ATG2B: variants seen among roughly 807,000 people sequenced by gnomAD.
The protein encoded by ATG2B is autophagy-related protein 2 homolog B.
Under a neutral mutation model 241.3 loss-of-function variants are expected in ATG2B, and 121 were observed. That is an observed-to-expected ratio of 0.50 (90% confidence interval 0.43 to 0.58). The LOEUF is 0.58. ATG2B is among the 20% of genes least tolerant of loss of function. The pLI is 0.00. For synonymous variants in ATG2B, 858 were observed against 876.6 expected (o/e 0.98, Z 0.37); for missense variants, 2,306 against 2,491.6 (o/e 0.93, Z 1.59).
intron 17 of ATG2B, 85 bp downstream of exon 17, chr14:96,322,454 AT>A: frequency 2.1e-6 from 3 of 1,418,990 alleles, no homozygotes; most frequent in South Asian, 1.5e-5. Flanking sequence ...TACACAAGGC[AT>A]TTTTTTAAAA....
In ATG2B at chr14:96,362,872, G is replaced by C. The variant is rs758669863; in HGVS notation, c.105C>G (p.Leu35=). 8.1e-6 allele frequency: 13 copies of C among 1,613,302 alleles called. No individual in the cohort carries two copies. Among genetic ancestry groups the C allele is most frequent in the Middle Eastern group, 3.3e-4 (2 of 6,052 alleles). ...CGGTGCCTTGGTACAGGTCCAGGCT[G>C]AGCTGCTCCAGGCTCAGCTTCTCCT... The part of the protein sequence containing the change: ...FLQEKLSLEQ[L]SLDLYQGTGS... Residue 35 remains leucine (L), a synonymous_variant, in exon 1 of 42, where the codon CTC becomes CTG. Coordinates refer to ENST00000359933, the MANE Select transcript of ATG2B (RefSeq NM_018036.7).
Position 96,347,274 on chromosome 14 carries a change from A to G in ATG2B, c.230T>C (p.Ile77Thr), listed in dbSNP as rs770775261. 1 of 1,611,830 alleles carries G rather than the reference A, an allele frequency of 6.2e-7. No homozygotes were observed. Among genetic ancestry groups the G allele is most frequent in the East Asian group, 2.2e-5 (1 of 44,862 alleles). ...LEVTEGFIQS[I>T]SLSVPWGSLL... Reference sequence around the variant, plus strand: ...AGAGCCCCATGGAACTGACAGGGAAATTGACTGAATGAATCCTTCAGTGAC... The same window carrying G: ...AGAGCCCCATGGAACTGACAGGGAAGTTGACTGAATGAATCCTTCAGTGAC... Residue 77 changes from isoleucine to threonine, a missense_variant, in exon 2 of 42, where the codon ATT becomes ACT. Around this residue, in one of 2 missense-constraint regions of ATG2B, gnomAD observed 1,927 missense variants for 2,011.2 expected, o/e 0.96. Coordinates refer to ENST00000359933, the MANE Select transcript of ATG2B (RefSeq NM_018036.7).
rs1888206302 is a variant in ATG2B at position 96,347,685 on chromosome 14, C to A, written c.163-344G>T. On this transcript the variant is annotated intron_variant, in intron 1 of 41. Coordinates refer to ENST00000359933, the MANE Select transcript of ATG2B (RefSeq NM_018036.7). ...GAAATGGGCAAATGATTTGAATAGA[C>A]ATTCCTCAAAAGAAGACATAAAATG... Among the ~76,000 whole-genome samples, 2 of 152,292 alleles carry A rather than the reference C, an allele frequency of 1.3e-5. 1 individual carries two copies. The highest frequency in any genetic ancestry group is 4.1e-4 in the South Asian group (2 of 4,828).
At chr14:96,322,396 A>G in intron 17 of ATG2B, 142 bp from the exon 18 acceptor site, 1 of 1,284,794 alleles carries the variant, frequency 7.8e-7, no homozygotes, top group South Asian at 1.5e-5. Context: ...TACACCAAGA[A>G]AAAATAGGTA....
Position 96,341,404 on chromosome 14 carries a change from C to G in ATG2B, c.924+118G>C, listed in dbSNP as rs139574106. ...GAGAGTAAAAATGCTAACTCGGTGA[C>G]AGCAGTACACTAGTTACAGGATAAT... is the stretch of plus-strand genomic sequence containing the variant. On this transcript the variant is annotated intron_variant, in intron 6 of 41. Coordinates refer to ENST00000359933, the MANE Select transcript of ATG2B (RefSeq NM_018036.7). The G allele has an allele frequency of 1.5e-5, 11 of 735,960 alleles. No homozygotes were observed. The East Asian group carries it at 3.2e-4, about 21-fold the overall frequency. The allele number at this position is 735,960 out of a possible 1,614,324, so 45.6% of individuals were successfully genotyped here. A position where few individuals can be genotyped will look rare whatever the true frequency, so the allele number is the denominator to read the frequency against.
intron 1 of ATG2B, among the ~76,000 whole-genome samples, chr14:96,359,663 C>A (rs1888572381): frequency 6.6e-6 from 1 of 152,164 alleles, no homozygotes; most frequent in South Asian, 2.1e-4. Flanking sequence ...GCCATTTCAA[C>A]CACTTCTAGG....
At position 96,317,784 on chromosome 14, in the gene ATG2B, T is replaced by C. The variant is rs550648078; in HGVS notation, c.2951A>G (p.Tyr984Cys). The change falls in exon 19 of 42, where the codon TAT (tyrosine) becomes TGT (cysteine). Residue 984 changes from tyrosine to cysteine, a missense_variant. Physicochemically the swap from Tyr to Cys is radical, Grantham distance 194. Coordinates refer to ENST00000359933, the MANE Select transcript of ATG2B (RefSeq NM_018036.7). ...SPVETFENISYGIGLSVASQL... is the reference protein window; with the variant it reads ...SPVETFENISCGIGLSVASQL... ...ACTGGCTACTGAAAGCCCAATGCCA[T>C]AGGAAATATTCTCGAATGTCTCCAC... is the stretch of plus-strand genomic sequence containing the variant. The C allele has an allele frequency of 3.7e-6, 6 of 1,613,042 alleles. No homozygotes were observed. In the African/African-American group the frequency reaches 4.0e-5, roughly 11 times the overall value.
In ATG2B at chr14:96,305,720, C is replaced by G. The variant is rs199803616; in HGVS notation, c.4602G>C (p.Thr1534=). 6.2e-7 allele frequency: 1 copy of G among 1,614,122 alleles called. No individual in the cohort carries two copies. Among genetic ancestry groups the G allele is most frequent in the Non-Finnish European group, 8.5e-7 (1 of 1,180,012 alleles). ...TGGGAAAGTGTAAGGGGGCTTTGCT[C>G]GTATCGGTCTTATTAACGGGCAGAC... ...YFSLPVNKTD[T]SKAPLHFPIP... The change falls in exon 31 of 42, where the codon ACG becomes ACC. Residue 1534 remains threonine, a synonymous_variant. Transcript: ENST00000359933.
In ATG2B at chr14:96,325,640, C is replaced by A; in HGVS notation, c.2437+9G>T. Reference sequence around the variant, plus strand: ...AGGATGGTTCTTTTACAGGCACATTCAATCTTACCAATTAGTTCTCTAAAG... The same window carrying A: ...AGGATGGTTCTTTTACAGGCACATTAAATCTTACCAATTAGTTCTCTAAAG... On this transcript the variant is annotated intron_variant, in intron 15 of 41. Coordinates refer to ENST00000359933, the MANE Select transcript of ATG2B (RefSeq NM_018036.7). 1 of 1,606,232 alleles carries A rather than the reference C, an allele frequency of 6.2e-7. No homozygotes were observed.
intron 8 of ATG2B, 68 bp from the exon 9 acceptor site, chr14:96,332,723 T>C (rs777760205): frequency 2.3e-6 from 3 of 1,286,902 alleles, no homozygotes; most frequent in South Asian, 1.8e-5. Flanking sequence ...AGTAAGTTAA[T>C]ATACGTTAAT....
At chr14:96,335,030 G>A (rs973047625) in intron 6 of ATG2B, among the ~76,000 whole-genome samples, 10 of 152,138 alleles carry the variant, frequency 6.6e-5, no homozygotes, top group Admixed American at 1.3e-4. Context: ...GCAAGGGGAC[G>A]CCACTACAGA....
At position 96,291,634 on chromosome 14, in the gene ATG2B, C is replaced by A; in HGVS notation, c.5545G>T (p.Glu1849Ter). Residue 1849 changes from glutamate (E) to a stop codon, truncating the protein, a stop_gained, in exon 38 of 42, where the codon GAA becomes TAA. Transcript: ENST00000359933. LOFTEE classifies it high-confidence loss of function. ...LIGLAQLNCS[E>*]LKLKRLSYRH... ...TAGGAAAGCCTCTTGAGCTTTAGTT[C>A]AGAGCAGTTTAACTGAGCCAGACCA... 1 of 1,609,044 alleles carries A rather than the reference C, an allele frequency of 6.2e-7. No individual in the cohort carries two copies. The highest frequency in any genetic ancestry group is 8.5e-7 in the Non-Finnish European group (1 of 1,176,762).
At chr14:96,305,481 T>C in intron 31 of ATG2B, 108 bp downstream of exon 31, 2 of 670,610 alleles carry the variant, frequency 3.0e-6, no homozygotes, top group Non-Finnish European at 4.8e-6. Flanking sequence ...CTTAAAATGA[T>C]AAATCCTATT....
Position 96,340,102 on chromosome 14 carries a change from G to T in ATG2B, c.924+1420C>A, listed in dbSNP as rs201844798. On this transcript the variant is annotated intron_variant, in intron 6 of 41. Coordinates refer to ENST00000359933, the MANE Select transcript of ATG2B (RefSeq NM_018036.7). ...GATATATATGAATATATGCTATATA[G>T]AATATATGATATATATGAATATATA... Among the ~76,000 whole-genome samples, 116 of 60,292 alleles carry T rather than the reference G, an allele frequency of 1.9e-3. 4 individuals carry two copies. The highest frequency in any genetic ancestry group is 0.01 in the East Asian group (9 of 894). 39.6% of individuals were successfully genotyped at this position (60,292 alleles called of 152,430 possible).
chr14:96,290,045 T>A lies in ATG2B; in HGVS notation c.5857-240A>T. On this transcript the variant is annotated intron_variant, in intron 40 of 41. Transcript: ENST00000359933. The surrounding 1 kb of genome is among the most constrained non-coding windows in gnomAD (Gnocchi z 4.4). ...GCTAAATTTTTAGCCCCTCCTCTGT[T>A]CACTGAGAACACTCAACATTTCCAC... is the stretch of plus-strand genomic sequence containing the variant. 1 of 1,082,472 alleles carries A rather than the reference T, an allele frequency of 9.2e-7. No individual in the cohort carries two copies. Among genetic ancestry groups the A allele is most frequent in the Non-Finnish European group, 1.2e-6 (1 of 815,002 alleles). 67.1% of individuals were successfully genotyped at this position (1,082,472 alleles called of 1,614,324 possible). A position where few individuals can be genotyped will look rare whatever the true frequency, so the allele number is the denominator to read the frequency against.
chr14:96,321,370 A>C (rs1461076573), intron 18 of ATG2B, among the ~76,000 whole-genome samples: 1 of 152,228 alleles, frequency 6.6e-6, no homozygotes, highest in Non-Finnish European at 1.5e-5. Context: ...ACAATCTTTC[A>C]GGTATGCTAC....
chr14:96,332,620 T>G lies in ATG2B; in HGVS notation c.1243A>C (p.Met415Leu). Reference protein sequence around the residue: ...EVFFSMADMDMSHSLSSLPPL... With the variant: ...EVFFSMADMDLSHSLSSLPPL... The stretch of plus-strand genomic sequence containing the variant: ...GGAAGAGAAGAGAGACTATGAGACA[T>G]GTCCATATCAGCCATGGAGAAGAAT... The change falls in exon 9 of 42, where the codon ATG (methionine) becomes CTG (leucine). Residue 415 changes from methionine to leucine, a missense_variant. By Grantham distance (15) the Met-to-Leu change is conservative. Coordinates refer to ENST00000359933, the MANE Select transcript of ATG2B (RefSeq NM_018036.7). 1 of 1,591,970 alleles carries G rather than the reference T, an allele frequency of 6.3e-7. No homozygotes were observed. The highest frequency in any genetic ancestry group is 8.5e-7 in the Non-Finnish European group (1 of 1,173,586).
chr14:96,360,764 C>A (rs1202288264), intron 1 of ATG2B, among the ~76,000 whole-genome samples: 1 of 151,838 alleles, frequency 6.6e-6, no homozygotes, highest in Non-Finnish European at 1.5e-5. Context: ...TGTGAATCTC[C>A]GAAGGTACCT....
intron 36 of ATG2B, among the ~76,000 whole-genome samples, chr14:96,292,305 TTATTA>T (rs1886508379): frequency 6.6e-6 from 1 of 152,186 alleles, no homozygotes; most frequent in African/African-American, 2.4e-5. Flanking sequence ...ATCTCATATA[TTATTA>T]TATTTGCATT....
Sources: gnomAD v4.1 joint callset for allele counts (sites outside exome capture counted in the v4.1 genomes callset) on GRCh38, gnomAD v4.1.1 for gene constraint, gnomAD v4.1.1 regional missense constraint, Gnocchi (gnomAD v3.1) non-coding constraint, MANE v1.5 for transcripts, NCBI Gene and HGNC (gene_info 2026-07-23, HGNC 2026-07-21) for gene names.